The following PTPN3 variants were observed in gnomAD, a reference collection of about 807,000 sequenced individuals.
PTPN3 encodes the protein tyrosine-protein phosphatase non-receptor type 3.
Under a neutral mutation model 132.7 loss-of-function variants are expected in PTPN3, and 96 were observed. The observed-to-expected ratio is 0.72, with a 90% CI of 0.61 to 0.86. PTPN3 has a LOEUF of 0.86. PTPN3 is among the 40% of genes least tolerant of loss of function. PTPN3 has a pLI of 0.00. For missense variants in PTPN3, 1,125 were observed against 1,159.6 expected (o/e 0.97, Z 0.43); for synonymous variants, 398 against 429.0 (o/e 0.93, Z 0.89).
At chr9:109,387,275 T>C (rs944479172) in intron 22 of PTPN3, among the ~76,000 whole-genome samples, 28 of 152,186 alleles carry the variant, frequency 1.8e-4, no homozygotes, top group Non-Finnish European at 2.4e-4. Flanking sequence ...CCAGAGGGCC[T>C]GATGAAGCCT....
chr9:109,409,503 G>C (rs1235598317), intron 16 of PTPN3, among the ~76,000 whole-genome samples: 1 of 152,030 alleles, frequency 6.6e-6, no homozygotes, highest in East Asian at 1.9e-4. Context: ...CTTGGCCTTC[G>C]GCAGCTGTTA....
rs140717531 is a variant in PTPN3 at position 109,382,373 on chromosome 9, G to A, written c.2457C>T (p.Ser819=). The part of the protein sequence containing the change: ...WPDHGVPDDS[S]DFLEFVNYVR... ...CATAGTTTACAAATTCCAGAAAGTC[G>A]GAGGAGTCATCGGGCACACCGTGGT... The change falls in exon 24 of 26, where the codon TCC becomes TCT. Residue 819 remains serine (S), a synonymous_variant. Transcript: ENST00000374541. 2.9e-5 allele frequency: 46 copies of A among 1,613,922 alleles called. No individual in the cohort carries two copies. The highest frequency in any genetic ancestry group is 1.6e-4 in the East Asian group (7 of 44,898).
chr9:109,424,624 G>A (rs1843114204), intron 12 of PTPN3, among the ~76,000 whole-genome samples: 3 of 152,162 alleles, frequency 2.0e-5, no homozygotes, highest in Non-Finnish European at 4.4e-5. Context: ...GGATGCTAAG[G>A]AGTCCAGGTG....
intron 9 of PTPN3, among the ~76,000 whole-genome samples, chr9:109,436,008 C>T (rs939452665): frequency 2.0e-5 from 3 of 152,154 alleles, no homozygotes; most frequent in African/African-American, 7.2e-5. Flanking sequence ...TCTCTATGAG[C>T]CTCGGTTTTC....
chr9:109,537,052 A>C, the PTPN3 span, among the ~76,000 whole-genome samples: 1 of 152,144 alleles, frequency 6.6e-6, no homozygotes, highest in Non-Finnish European at 1.5e-5. Flanking sequence ...CGTAGCCCCA[A>C]GGACCTTGGC....
At chr9:109,521,096 A>C in the PTPN3 span, among the ~76,000 whole-genome samples, 1 of 152,188 alleles carries the variant, frequency 6.6e-6, no homozygotes, top group Non-Finnish European at 1.5e-5. Flanking sequence ...GAATCAACAA[A>C]AAAAGAGATG....
chr9:109,484,490 G>T (rs1353521501), intron 1 of PTPN3, among the ~76,000 whole-genome samples: 1 of 152,234 alleles, frequency 6.6e-6, no homozygotes, highest in Non-Finnish European at 1.5e-5. Context: ...AGCTGAGGAT[G>T]GACATCTGAA....
chr9:109,533,348 G>T, the PTPN3 span: 13 of 538,586 alleles, frequency 2.4e-5, no homozygotes, highest in South Asian at 1.4e-4. Context: ...GTTTCACCTT[G>T]TTAGCCAGGA....
intron 9 of PTPN3, among the ~76,000 whole-genome samples, chr9:109,434,887 C>G (rs1181758841): frequency 6.6e-6 from 1 of 152,106 alleles, no homozygotes; most frequent in East Asian, 1.9e-4. Context: ...TGGGACAAAC[C>G]CTTTGTGAAC....
chr9:109,515,033 T>C, the PTPN3 span, among the ~76,000 whole-genome samples: 1 of 152,124 alleles, frequency 6.6e-6, no homozygotes, highest in African/African-American at 2.4e-5. Flanking sequence ...CAAGAGGTTT[T>C]TTTTTTTGAC....
chr9:109,477,114 ACT>A (rs1222326559), intron 1 of PTPN3, among the ~76,000 whole-genome samples: 2 of 151,800 alleles, frequency 1.3e-5, no homozygotes, highest in Non-Finnish European at 2.9e-5. Context: ...CACACCACCC[ACT>A]CTGAGTCCAC....
chr9:109,478,497 A>G (rs1453824445), intron 1 of PTPN3, among the ~76,000 whole-genome samples: 1 of 152,212 alleles, frequency 6.6e-6, no homozygotes, highest in South Asian at 2.1e-4. Flanking sequence ...CAGAAAAGGA[A>G]GAGGAAGCAT....
chr9:109,415,269 TC>T (rs762576172), intron 14 of PTPN3, among the ~76,000 whole-genome samples: 9 of 152,148 alleles, frequency 5.9e-5, no homozygotes, highest in Non-Finnish European at 1.3e-4. Context: ...AATAATATTA[TC>T]ATGTTACAGT....
chr9:109,500,637 C>A (rs1221238339), upstream of PTPN3, among the ~76,000 whole-genome samples: 88 of 135,572 alleles, frequency 6.5e-4, no homozygotes, highest in Non-Finnish European at 1.1e-3. Context: ...AAAAAAAAAA[C>A]CGCAGAAAAC....
At chr9:109,401,230 G>A (rs1421672771) in intron 19 of PTPN3, among the ~76,000 whole-genome samples, 1 of 152,056 alleles carries the variant, frequency 6.6e-6, no homozygotes, top group African/African-American at 2.4e-5. Context: ...ACAAAGCCTC[G>A]GATGCACAGC....
At chr9:109,451,495 C>T in intron 5 of PTPN3, 2 of 789,672 alleles carry the variant, frequency 2.5e-6, no homozygotes, top group East Asian at 1.3e-4. Context: ...TCCCTGTAGC[C>T]TCCACCCACT....
intron 9 of PTPN3, among the ~76,000 whole-genome samples, chr9:109,435,118 T>C (rs974422610): frequency 1.3e-5 from 2 of 152,024 alleles, no homozygotes; most frequent in Non-Finnish European, 1.5e-5. Flanking sequence ...GCAAAGGAAA[T>C]CAAAATTGAG....
intron 9 of PTPN3, among the ~76,000 whole-genome samples, chr9:109,434,816 G>C (rs531403419): frequency 3.0e-4 from 46 of 152,298 alleles, no homozygotes; most frequent in African/African-American, 1.1e-3. Context: ...TTGGCATATG[G>C]AGCTTCTAGA....
chr9:109,538,269 T>C, the PTPN3 span, among the ~76,000 whole-genome samples: 1 of 152,214 alleles, frequency 6.6e-6, no homozygotes, highest in Non-Finnish European at 1.5e-5. Flanking sequence ...TCCCTCTTGC[T>C]CCACCATGAT....
Sources: gnomAD v4.1 joint callset for allele counts (sites outside exome capture counted in the v4.1 genomes callset) on GRCh38, gnomAD v4.1.1 for gene constraint, MANE v1.5 for transcripts, NCBI Gene and HGNC (gene_info 2026-07-23, HGNC 2026-07-21) for gene names.